The following SUMF1 variants were observed in gnomAD, a reference collection of about 807,000 sequenced individuals.
SUMF1 encodes sulfatase modifying factor 1, also known as formylglycine-generating enzyme.
A neutral mutation model predicts 47.6 loss-of-function variants in SUMF1; 48 were observed. The ratio of observed to expected loss-of-function variants is 1.01; its 90% CI spans 0.80 to 1.28. The LOEUF is 1.28. SUMF1 is among the 50% of genes most tolerant of loss of function. SUMF1 has a pLI of 0.00. For missense variants in SUMF1, 571 were observed against 485.4 expected, an observed-to-expected ratio of 1.18 and a Z score of -1.66; for synonymous variants, 230 against 192.1, an observed-to-expected ratio of 1.20 and a Z score of -1.63.
intron 8 of SUMF1, among the ~76,000 whole-genome samples, chr3:4,156,612 C>T (rs1401986702): frequency 6.6e-6 from 1 of 151,604 alleles, no homozygotes; most frequent in Non-Finnish European, 1.5e-5. Flanking sequence ...GGGTGTTAAT[C>T]CCACAAGAAT....
intron 8 of SUMF1, among the ~76,000 whole-genome samples, chr3:4,254,021 A>G (rs1283901070): frequency 1.3e-5 from 2 of 151,018 alleles, no homozygotes; most frequent in Non-Finnish European, 3.0e-5. Flanking sequence ...CACACACAGC[A>G]GGGTATTCCA....
chr3:4,087,049 A>C (rs1477821841), intron 8 of SUMF1, among the ~76,000 whole-genome samples: 1 of 152,162 alleles, frequency 6.6e-6, no homozygotes, highest in East Asian at 1.9e-4. Context: ...TTCCCAAAAA[A>C]CATCTAATAG....
intron 8 of SUMF1, among the ~76,000 whole-genome samples, chr3:4,235,400 C>T (rs1249505648): frequency 6.6e-6 from 1 of 151,948 alleles, no homozygotes; most frequent in East Asian, 1.9e-4. Flanking sequence ...CTAGGCTAGA[C>T]CAGAGATACA....
intron 8 of SUMF1, among the ~76,000 whole-genome samples, chr3:4,168,699 C>A (rs1490484598): frequency 6.6e-6 from 1 of 152,022 alleles, no homozygotes; most frequent in East Asian, 1.9e-4. Context: ...TTATATTGAG[C>A]AAGTCATTTC....
intron 7 of SUMF1, among the ~76,000 whole-genome samples, chr3:4,408,371 C>T (rs1701437523): frequency 6.6e-6 from 1 of 152,122 alleles, no homozygotes; most frequent in African/African-American, 2.4e-5. Flanking sequence ...AAACTGTTAA[C>T]ATTATGTAGT....
intron 3 of SUMF1, among the ~76,000 whole-genome samples, chr3:4,428,571 C>G (rs1169333765): frequency 6.6e-6 from 1 of 152,202 alleles, no homozygotes; most frequent in Admixed American, 6.5e-5. Context: ...CTAGGCTGGT[C>G]TTGAACTCCT....
At chr3:4,139,251 A>G (rs1209389731) in intron 8 of SUMF1, among the ~76,000 whole-genome samples, 1 of 152,014 alleles carries the variant, frequency 6.6e-6, no homozygotes, top group Non-Finnish European at 1.5e-5. Context: ...TAAATTTCCA[A>G]TATATGTCCT....
chr3:4,383,143 C>T (rs1282928619), intron 7 of SUMF1, among the ~76,000 whole-genome samples: 8 of 152,038 alleles, frequency 5.3e-5, no homozygotes, highest in Admixed American at 5.2e-4. Context: ...CTTTGGGAGG[C>T]CAAGGCAGAC....
At chr3:4,087,613 T>C (rs927929689) in intron 8 of SUMF1, among the ~76,000 whole-genome samples, 1 of 152,146 alleles carries the variant, frequency 6.6e-6, no homozygotes, top group Non-Finnish European at 1.5e-5. Context: ...GTCTCTTTAA[T>C]GTCTGGCTTC....
At chr3:4,102,188 A>G (rs1047636286) in intron 8 of SUMF1, among the ~76,000 whole-genome samples, 3 of 152,120 alleles carry the variant, frequency 2.0e-5, no homozygotes, top group Non-Finnish European at 4.4e-5. Flanking sequence ...TTTGCATAAC[A>G]TAATTTCTGG....
At chr3:4,211,203 C>CT (rs1695783771) in intron 8 of SUMF1, among the ~76,000 whole-genome samples, 2 of 98,160 alleles carry the variant, frequency 2.0e-5, no homozygotes, top group East Asian at 5.5e-4. Flanking sequence ...TACATACATA[C>CT]ATATATATAT....
chr3:4,259,060 C>G (rs911259771), intron 8 of SUMF1, among the ~76,000 whole-genome samples: 85 of 145,594 alleles, frequency 5.8e-4, no homozygotes, highest in African/African-American at 1.7e-3. Context: ...GGGAATTGAA[C>G]AATGAGATCA....
chr3:4,169,403 G>A (rs1185387043), intron 8 of SUMF1, among the ~76,000 whole-genome samples: 1 of 152,078 alleles, frequency 6.6e-6, no homozygotes, highest in African/African-American at 2.4e-5. Context: ...GACACAAAGA[G>A]AAAAGACAAT....
At position 4,457,065 on chromosome 3, in the gene SUMF1, T is replaced by TATACTTGTGTGTAC. The variant is rs1324007345; in HGVS notation, c.271-4017_271-4016insGTACACACAAGTAT. Among the ~76,000 whole-genome samples, 6 of 119,166 alleles carry TATACTTGTGTGTAC rather than the reference T, an allele frequency of 5.0e-5. 1 individual carries two copies. The highest frequency in any genetic ancestry group is 1.2e-4 in the Non-Finnish European group (6 of 48,966). 78.2% of individuals were successfully genotyped at this position (119,166 alleles called of 152,430 possible). On this transcript the variant is annotated intron_variant, in intron 1 of 8. Transcript: ENST00000272902. The stretch of plus-strand genomic sequence containing the variant: ...ATATATATATACGTGTGTGTATATA[T>TATACTTGTGTGTAC]ATATATATACGTGTGTGTATATATA...
chr3:4,216,699 C>T (rs997471435), intron 8 of SUMF1, among the ~76,000 whole-genome samples: 1 of 152,088 alleles, frequency 6.6e-6, no homozygotes, highest in Non-Finnish European at 1.5e-5. Flanking sequence ...AAAAAGTGGG[C>T]AAAGGATATG....
intron 8 of SUMF1, among the ~76,000 whole-genome samples, chr3:4,087,825 A>G (rs1692703035): frequency 1.3e-5 from 2 of 152,174 alleles, no homozygotes; most frequent in Admixed American, 1.3e-4. Flanking sequence ...AAATGTAATA[A>G]TAATCATGAG....
chr3:4,337,851 A>G (rs775398658), intron 8 of SUMF1, among the ~76,000 whole-genome samples: 2 of 142,210 alleles, frequency 1.4e-5, no homozygotes, highest in Non-Finnish European at 3.0e-5. Context: ...TCTCCTACCC[A>G]ACTCTTGAAA....
chr3:4,112,392 C>T (rs774384969), intron 8 of SUMF1, among the ~76,000 whole-genome samples: 4 of 152,058 alleles, frequency 2.6e-5, no homozygotes, highest in Admixed American at 6.6e-5. Flanking sequence ...CTGGTCCCTT[C>T]CAATAAAAGA....
chr3:4,298,549 CCAAGAAAGAGT>C (rs1434169778), intron 8 of SUMF1, among the ~76,000 whole-genome samples: 2 of 152,138 alleles, frequency 1.3e-5, no homozygotes, highest in Non-Finnish European at 2.9e-5. Flanking sequence ...GACAGTATTA[CCAAGAAAGAGT>C]CAAAAACTAA....
Sources: gnomAD v4.1 joint callset for allele counts (sites outside exome capture counted in the v4.1 genomes callset) on GRCh38, gnomAD v4.1.1 for gene constraint, MANE v1.5 for transcripts, NCBI Gene and HGNC (gene_info 2026-07-23, HGNC 2026-07-21) for gene names.